The following ATP13A2 variants were observed in gnomAD, a reference collection of about 807,000 sequenced individuals.
The protein encoded by ATP13A2 is polyamine-transporting ATPase 13A2.
In ATP13A2, 83 loss-of-function variants were observed where a neutral mutation model predicts 138.3. That is an observed-to-expected ratio of 0.60 (90% CI 0.50 to 0.72). The LOEUF (loss-of-function observed/expected upper bound fraction) is 0.72, where lower values mean the gene tolerates loss of function less well. Among genes scored for constraint, ATP13A2 ranks in the 30% least tolerant of loss-of-function variants. ATP13A2 has a pLI of 0.00. For synonymous variants in ATP13A2, 663 were observed against 699.0 expected, an observed-to-expected ratio of 0.95 and a Z score of 0.81; for missense variants, 1,402 against 1,606.4, an observed-to-expected ratio of 0.87 and a Z score of 2.17.
chr1:16,997,101 G>A lies in ATP13A2; in HGVS notation c.1114C>T (p.His372Tyr). Residue 372 changes from histidine (H) to tyrosine (Y), a missense_variant, in exon 12 of 29, where the codon CAC (histidine) becomes TAC (tyrosine). His to Tyr is a moderately conservative substitution (Grantham distance 83). Transcript: ENST00000326735. ...GPYCAETHRRHTLFCGTLILQ... is the reference protein window; with the variant it reads ...GPYCAETHRRYTLFCGTLILQ... The stretch of plus-strand genomic sequence containing the variant: ...ATGAGGGTCCCGCAGAAGAGTGTGT[G>A]CCGCCGGTGTGTCTCTGCACAGTAG... 1 of 1,613,740 alleles carries A rather than the reference G, an allele frequency of 6.2e-7. No homozygotes were observed. Among genetic ancestry groups the A allele is most frequent in the Non-Finnish European group, 8.5e-7 (1 of 1,180,024 alleles).
chr1:16,988,031 C>T (rs2076796687), intron 25 of ATP13A2, 107 bp downstream of exon 25: 1 of 1,029,504 alleles, frequency 9.7e-7, no homozygotes. Flanking sequence ...GGGTCAGGAT[C>T]TGGGCCCACG....
chr1:16,996,543 C>A (rs368710035), intron 12 of ATP13A2, 47 bp from the exon 13 acceptor site: 4 of 1,493,828 alleles, frequency 2.7e-6, no homozygotes, highest in Non-Finnish European at 2.8e-6. Context: ...AGGGTGAGGG[C>A]AGGCCTTCCC....
At chr1:16,990,065 T>C in intron 21 of ATP13A2, 62 bp from the exon 22 acceptor site, 1 of 1,613,580 alleles carries the variant, frequency 6.2e-7, no homozygotes, top group Non-Finnish European at 8.5e-7. Context: ...GGGGCCTGGG[T>C]CAGGTGACAC....
intron 6 of ATP13A2, among the ~76,000 whole-genome samples, chr1:17,003,048 T>C (rs1489411271): frequency 6.6e-6 from 1 of 152,120 alleles, no homozygotes; most frequent in African/African-American, 2.4e-5. Context: ...ATGGTAACTG[T>C]CCTCACTCCC....
Position 16,995,496 on chromosome 1 carries a change from T to C in ATP13A2, c.1542+480A>G. The stretch of plus-strand genomic sequence containing the variant: ...ATTTTTTTTTTTTTTTGAGTTTTGC[T>C]CTGTCACCCAGGCTGGAGTACAATG... On this transcript the variant is annotated intron_variant, in intron 15 of 28. Coordinates refer to ENST00000326735, the MANE Select transcript of ATP13A2 (RefSeq NM_022089.4). The surrounding 1 kb of genome is among the most constrained non-coding windows in gnomAD (Gnocchi z 4.1). 1 of 223,780 alleles carries C rather than the reference T, an allele frequency of 4.5e-6. No individual in the cohort carries two copies. 13.9% of individuals were successfully genotyped at this position (223,780 alleles called of 1,614,324 possible). A position where few individuals can be genotyped will look rare whatever the true frequency, so the allele number is the denominator to read the frequency against.
Position 16,995,823 on chromosome 1 carries a change from A to G in ATP13A2, c.1542+153T>C. ...AGACCGTGAGCCCAGTGAGGGCAGG[A>G]GTGGGATGGGGTGGATCCTCTGGGG... On this transcript the variant is annotated intron_variant, in intron 15 of 28. Transcript: ENST00000326735. This position sits in a 1 kb window ranked among gnomAD's most constrained non-coding sequence, Gnocchi z 4.1. 4 of 887,668 alleles carry G rather than the reference A, an allele frequency of 4.5e-6. No homozygotes were observed. The highest frequency in any genetic ancestry group is 4.3e-5 in the South Asian group (3 of 70,388). The allele number at this position is 887,668 out of a possible 1,614,324, so 55.0% of individuals were successfully genotyped here.
At position 17,002,442 on chromosome 1, in the gene ATP13A2, G is replaced by A. The variant is rs957367687; in HGVS notation, c.558-69C>T. The A allele has an allele frequency of 1.9e-6, 3 of 1,547,670 alleles. No individual in the cohort carries two copies. In the East Asian group the frequency reaches 6.9e-5, roughly 36 times the overall value. ...AGGTCTGCATCCCCCACCCTGTGCA[G>A]GCTGGAGACTATGGGCTCTAGGCCC... On this transcript the variant is annotated intron_variant, in intron 6 of 28. Coordinates refer to ENST00000326735, the MANE Select transcript of ATP13A2 (RefSeq NM_022089.4).
At position 16,997,178 on chromosome 1, in the gene ATP13A2, G is replaced by A. The variant is rs1204868748; in HGVS notation, c.1040-3C>T. The A allele has an allele frequency of 1.2e-6, 2 of 1,613,366 alleles. No individual in the cohort carries two copies. The highest frequency in any genetic ancestry group is 1.7e-5 in the Admixed American group (1 of 60,022). On this transcript the variant is annotated splice_region_variant and splice_polypyrimidine_tract_variant and intron_variant, in intron 11 of 28. Transcript: ENST00000326735. Reference sequence around the variant, plus strand: ...CTTCAGCACTGGAATGCTCTCTCCTGGTGGGGAACGTGGTGTGAGGACCAC... The same window carrying A: ...CTTCAGCACTGGAATGCTCTCTCCTAGTGGGGAACGTGGTGTGAGGACCAC...
At position 16,986,277 on chromosome 1, in the gene ATP13A2, C is replaced by A; in HGVS notation, c.3487G>T (p.Glu1163Ter). Residue 1163 changes from glutamate (E) to a stop codon, truncating the protein, a stop_gained, in exon 29 of 29, where the codon GAA (glutamate) becomes TAA (stop). Coordinates refer to ENST00000326735, the MANE Select transcript of ATP13A2 (RefSeq NM_022089.4). LOFTEE classifies it high-confidence loss of function. This position sits in a 1 kb window ranked among gnomAD's most constrained non-coding sequence, Gnocchi z 6.9. ...CAGGGCTGCTCGGCCAGCTCTCGTT[C>A]CAGCTGCTTGAAGCGCTTCTTGGAG... ...RASKKRFKQL[E>*]RELAEQPWPP... The A allele has an allele frequency of 6.2e-7, 1 of 1,605,778 alleles. No individual in the cohort carries two copies. Among genetic ancestry groups the A allele is most frequent in the Non-Finnish European group, 8.5e-7 (1 of 1,177,022 alleles).
rs767380694 is a variant in ATP13A2, at chr1:17,004,996, G to A, written c.347+18C>T. Reference sequence around the variant, plus strand: ...GGGTAGCAGGGGCTTCTGGGAAGGGGCAATGGGGCTGCCTCACCTGCCCTC... The same window carrying A: ...GGGTAGCAGGGGCTTCTGGGAAGGGACAATGGGGCTGCCTCACCTGCCCTC... On this transcript the variant is annotated intron_variant, in intron 4 of 28. Coordinates refer to ENST00000326735, the MANE Select transcript of ATP13A2 (RefSeq NM_022089.4). The surrounding 1 kb of genome is among the most constrained non-coding windows in gnomAD (Gnocchi z 4.1). 12 of 1,613,466 alleles carry A rather than the reference G, an allele frequency of 7.4e-6. No homozygotes were observed. Among genetic ancestry groups the A allele is most frequent in the Non-Finnish European group, 1.0e-5 (12 of 1,179,986 alleles).
At chr1:16,989,421 G>C (rs2076845187) in intron 23 of ATP13A2, among the ~76,000 whole-genome samples, 1 of 152,126 alleles carries the variant, frequency 6.6e-6, no homozygotes, top group Non-Finnish European at 1.5e-5. Flanking sequence ...TTGTTGCCCA[G>C]GCTGGCCTCA....
rs772754955 is a variant in ATP13A2, at chr1:16,986,236, G to A, written c.3528C>T (p.Ala1176=). The A allele has an allele frequency of 1.4e-5, 22 of 1,610,526 alleles. No homozygotes were observed. The South Asian group carries it at 1.4e-4, about 11-fold the overall frequency. Reference sequence around the variant, plus strand: ...TGGGCCTGCACTACCTCAGGGGGCCGGCGGGCAGCGGCGGCCAGGGCTGCT... The same window carrying A: ...TGGGCCTGCACTACCTCAGGGGGCCAGCGGGCAGCGGCGGCCAGGGCTGCT... ...LAEQPWPPLP[A]GPLR is the part of the protein sequence containing the mutation. Residue 1176 remains alanine, a synonymous_variant, in exon 29 of 29, where the codon GCC becomes GCT. Coordinates refer to ENST00000326735, the MANE Select transcript of ATP13A2 (RefSeq NM_022089.4). The surrounding 1 kb of genome is among the most constrained non-coding windows in gnomAD (Gnocchi z 6.9).
Position 17,004,448 on chromosome 1 carries a change from G to T in ATP13A2, c.478-37C>A. The T allele has an allele frequency of 6.2e-7, 1 of 1,608,804 alleles. No homozygotes were observed. The highest frequency in any genetic ancestry group is 8.5e-7 in the Non-Finnish European group (1 of 1,176,388). The stretch of plus-strand genomic sequence containing the variant: ...AGAGGAGAGGATGGGTTGGAAGCTG[G>T]CCCCGGCCCCAGAAGCAGTGTGCTT... On this transcript the variant is annotated intron_variant, in intron 5 of 28. Transcript: ENST00000326735. The surrounding 1 kb of genome is among the most constrained non-coding windows in gnomAD (Gnocchi z 4.1).
Position 16,989,868 on chromosome 1 carries a change from G to C in ATP13A2, c.2529+19C>G, listed in dbSNP as rs986327732. 6.2e-7 allele frequency: 1 copy of C among 1,608,592 alleles called. No homozygotes were observed. Among genetic ancestry groups the C allele is most frequent in the East Asian group, 2.2e-5 (1 of 44,696 alleles). The stretch of plus-strand genomic sequence containing the variant: ...GCAGGGGAGGCGCAGGGCGGCCAGG[G>C]AGCTGGGGGCGGCCCTACCTTGGGC... On this transcript the variant is annotated intron_variant, in intron 22 of 28. Coordinates refer to ENST00000326735, the MANE Select transcript of ATP13A2 (RefSeq NM_022089.4).
intron 6 of ATP13A2, among the ~76,000 whole-genome samples, chr1:17,002,721 A>C (rs1282744653): frequency 6.6e-6 from 1 of 152,194 alleles, no homozygotes; most frequent in Non-Finnish European, 1.5e-5. Flanking sequence ...CTCATCTGCA[A>C]AATGGGGGCA....
rs1374432531 is a variant in ATP13A2, at chr1:16,996,173, G to T, written c.1354-9C>A. ...ATCTCATTCAGAGGCACCTGGCAGG[G>T]GGCACCATGAATGTGAGCACCTGGC... On this transcript the variant is annotated splice_polypyrimidine_tract_variant and intron_variant, in intron 14 of 28. Coordinates refer to ENST00000326735, the MANE Select transcript of ATP13A2 (RefSeq NM_022089.4). The T allele has an allele frequency of 6.2e-7, 1 of 1,614,018 alleles. No individual in the cohort carries two copies. Among genetic ancestry groups the T allele is most frequent in the Non-Finnish European group, 8.5e-7 (1 of 1,180,036 alleles).
Position 17,011,625 on chromosome 1 carries a change from C to G in ATP13A2, c.10+104G>C. Reference sequence around the variant, plus strand: ...AGGTCCCGCTTCCTGGGCTCGCGACCCCGCGGTGGGGGGCGTCGCCTCCCC... The same window carrying G: ...AGGTCCCGCTTCCTGGGCTCGCGACGCCGCGGTGGGGGGCGTCGCCTCCCC... On this transcript the variant is annotated intron_variant, in intron 1 of 28. Coordinates refer to ENST00000326735, the MANE Select transcript of ATP13A2 (RefSeq NM_022089.4). This position sits in a 1 kb window ranked among gnomAD's most constrained non-coding sequence, Gnocchi z 7.3. 7.4e-7 allele frequency: 1 copy of G among 1,358,750 alleles called. No homozygotes were observed. Among genetic ancestry groups the G allele is most frequent in the Non-Finnish European group, 9.5e-7 (1 of 1,047,774 alleles). The allele number at this position is 1,358,750 out of a possible 1,614,324, so 84.2% of individuals were successfully genotyped here.
At position 16,986,325 on chromosome 1, in the gene ATP13A2, G is replaced by T. The variant is rs370421723; in HGVS notation, c.3439C>A (p.Arg1147Ser). The T allele has an allele frequency of 1.3e-6, 2 of 1,584,602 alleles. No individual in the cohort carries two copies. Among genetic ancestry groups the T allele is most frequent in the Admixed American group, 1.8e-5 (1 of 54,662 alleles). Residue 1147 changes from arginine (R) to serine (S), a missense_variant, in exon 29 of 29, where the codon CGC becomes AGC. Transcript: ENST00000326735. This position sits in a 1 kb window ranked among gnomAD's most constrained non-coding sequence, Gnocchi z 6.9. The part of the protein sequence containing the change: ...VLDQCLPACL[R>S]RLRPKRASKK... ...GAGGCCCGCTTGGGCCGGAGGCGGC[G>T]CAGGCAGGCGGGGAGGCACTGGTCT...
At chr1:17,007,674 C>T (rs1163046686) in intron 1 of ATP13A2, among the ~76,000 whole-genome samples, 2 of 151,934 alleles carry the variant, frequency 1.3e-5, no homozygotes, top group East Asian at 3.9e-4. Flanking sequence ...GCCTCAGCCT[C>T]CCAAGTAGCT....
Sources: allele counts gnomAD v4.1 joint callset (sites outside exome capture counted in the v4.1 genomes callset), GRCh38; gene constraint gnomAD v4.1.1; non-coding constraint Gnocchi (gnomAD v3.1); transcripts MANE v1.5; gene names NCBI Gene and HGNC (gene_info 2026-07-23, HGNC 2026-07-21).